Variants in GADL1 observed in about 807,000 individuals in gnomAD.
GADL1 encodes acidic amino acid decarboxylase GADL1.
GADL1 carries 71 observed loss-of-function variants against 69.5 expected under a neutral mutation model. The ratio of observed to expected loss-of-function variants is 1.02; its 90% confidence interval spans 0.84 to 1.25. The LOEUF is 1.25. Among genes scored for constraint, GADL1 ranks in the 50% most tolerant of loss-of-function variants. The pLI is 0.00. For missense variants in GADL1, 737 were observed against 631.8 expected, an observed-to-expected ratio of 1.17 and a Z score of -1.79; for synonymous variants, 254 against 214.4, an observed-to-expected ratio of 1.18 and a Z score of -1.62.
intron 14 of GADL1, among the ~76,000 whole-genome samples, chr3:30,760,944 C>T (rs1696112038): frequency 6.6e-6 from 1 of 150,938 alleles, no homozygotes; most frequent in African/African-American, 2.4e-5. Flanking sequence ...GGCTGATGTC[C>T]TGTGCTGTTC....
intron 14 of GADL1, among the ~76,000 whole-genome samples, chr3:30,755,632 C>T (rs555846883): frequency 2.5e-4 from 38 of 152,176 alleles, no homozygotes; most frequent in Middle Eastern, 3.4e-3. Flanking sequence ...AGCCTAATAG[C>T]GGTAGTGTTT....
At chr3:30,786,429 T>C (rs762948639) in intron 12 of GADL1, 23 bp from the exon 13 acceptor site, 2 of 1,203,036 alleles carry the variant, frequency 1.7e-6, no homozygotes, top group Non-Finnish European at 2.5e-6. Context: ...GTCACAATAA[T>C]ATTTATAATC....
rs139328097 is a variant in GADL1, at chr3:30,889,637, A to C, written c.37+4941T>G. ...GATTCCAGTTAACTTTTTTTTTCCTACTTTGAGTTTCTTTTTAAATCACGC... is the reference window on the plus strand; with the variant it reads ...GATTCCAGTTAACTTTTTTTTTCCTCCTTTGAGTTTCTTTTTAAATCACGC... On this transcript the variant is annotated intron_variant, in intron 1 of 14. Transcript: ENST00000282538. 6.2e-3 allele frequency among the ~76,000 whole-genome samples: 938 copies of C among 152,016 alleles called. 36 individuals are homozygous for C. Among genetic ancestry groups the C allele is most frequent in the Admixed American group, 0.056 (856 of 15,260 alleles).
intron 12 of GADL1, among the ~76,000 whole-genome samples, chr3:30,787,020 G>A (rs1453816555): frequency 6.6e-6 from 1 of 152,100 alleles, no homozygotes; most frequent in African/African-American, 2.4e-5. Flanking sequence ...CACAGGGAGG[G>A]GAGCAACACA....
At chr3:30,836,312 A>T (rs1381380085) in intron 9 of GADL1, among the ~76,000 whole-genome samples, 1 of 151,930 alleles carries the variant, frequency 6.6e-6, no homozygotes, top group African/African-American at 2.4e-5. Context: ...TTTTGAAATC[A>T]CAGGAACCCT....
At chr3:30,838,887 A>T (rs1049596207) in intron 9 of GADL1, 110 bp downstream of exon 9, 1 of 623,464 alleles carries the variant, frequency 1.6e-6, no homozygotes, top group African/African-American at 1.9e-5. Context: ...TTGAGACACA[A>T]ACAAAAGCGT....
chr3:30,803,175 T>C (rs1697195095), intron 11 of GADL1, among the ~76,000 whole-genome samples: 1 of 152,142 alleles, frequency 6.6e-6, no homozygotes. Context: ...AAAGAGCAGA[T>C]TGCTCTGACC....
intron 14 of GADL1, among the ~76,000 whole-genome samples, chr3:30,736,526 C>T (rs73056844): frequency 0.011 from 1,704 of 152,126 alleles, 25 homozygotes; most frequent in Non-Finnish European, 0.019. Context: ...TTTACACTCC[C>T]GCTTGGACTT....
Position 30,844,466 on chromosome 3 carries a change from A to G in GADL1, c.652T>C (p.Cys218Arg). Residue 218 changes from cysteine (C) to arginine (R), a missense_variant and splice_region_variant, in exon 7 of 15, where the codon TGT becomes CGT. Cys to Arg is a radical substitution (Grantham distance 180). Transcript: ENST00000282538. ...GCTGCCTTCTTCATAGAGTAATGACACTGAATTCAAAGGGACAGTGGGGAA... is the reference window on the plus strand; with the variant it reads ...GCTGCCTTCTTCATAGAGTAATGACGCTGAATTCAAAGGGACAGTGGGGAA... ...PRLILFTSAE[C>R]HYSMKKAASF... The G allele has an allele frequency of 6.2e-7, 1 of 1,600,918 alleles. No individual in the cohort carries two copies. The highest frequency in any genetic ancestry group is 1.1e-5 in the South Asian group (1 of 90,790).
chr3:30,849,877 T>C (rs1698120124), intron 6 of GADL1, 119 bp downstream of exon 6: 2 of 627,082 alleles, frequency 3.2e-6, no homozygotes, highest in South Asian at 4.0e-5. Context: ...TACTATGTTA[T>C]ACTGCAGCAT....
intron 14 of GADL1, among the ~76,000 whole-genome samples, chr3:30,751,221 C>T (rs761660241): frequency 2.5e-4 from 38 of 152,054 alleles, no homozygotes; most frequent in Admixed American, 1.7e-3. Flanking sequence ...TGATTGGTCA[C>T]AGGCCAATCC....
At chr3:30,815,336 C>T (rs1379916537) in intron 11 of GADL1, among the ~76,000 whole-genome samples, 13 of 152,044 alleles carry the variant, frequency 8.6e-5, no homozygotes, top group Non-Finnish European at 1.9e-4. Flanking sequence ...TCTCTCTGGT[C>T]GGTTAGGAGG....
rs149897525 is a variant in GADL1 at position 30,869,272 on chromosome 3, T to C, written c.38-7507A>G. On this transcript the variant is annotated intron_variant, in intron 1 of 14. Coordinates refer to ENST00000282538, the MANE Select transcript of GADL1 (RefSeq NM_207359.3). ...TGATGTACCTGGTACATCAGCCTCA[T>C]AGATTGTTTGCCACACTTTTGAATT... Among the ~76,000 whole-genome samples the C allele has an allele frequency of 1.2e-3, 184 of 151,988 alleles. 3 individuals carry two copies. Among genetic ancestry groups the C allele is most frequent in the Non-Finnish European group, 1.6e-3 (110 of 67,946 alleles).
chr3:30,868,483 C>T (rs999292920), intron 1 of GADL1, among the ~76,000 whole-genome samples: 3 of 150,522 alleles, frequency 2.0e-5, no homozygotes, highest in Non-Finnish European at 4.4e-5. Flanking sequence ...AACTCTGCTT[C>T]TGTGACCTTA....
chr3:30,872,770 C>A (rs530400196), intron 1 of GADL1, among the ~76,000 whole-genome samples: 1 of 151,872 alleles, frequency 6.6e-6, no homozygotes. Flanking sequence ...AATAAACTCC[C>A]CCTTTTGGTG....
At chr3:30,737,546 C>G (rs1446949855) in intron 14 of GADL1, among the ~76,000 whole-genome samples, 1 of 152,110 alleles carries the variant, frequency 6.6e-6, no homozygotes, top group East Asian at 1.9e-4. Flanking sequence ...TAATTCTTCT[C>G]TTACTCCTTC....
At chr3:30,753,703 G>A (rs982398902) in intron 14 of GADL1, among the ~76,000 whole-genome samples, 12 of 152,166 alleles carry the variant, frequency 7.9e-5, no homozygotes, top group Admixed American at 2.6e-4. Context: ...GGAAACCAAC[G>A]TGAATCCAGT....
chr3:30,771,936 G>A (rs1696427835), intron 14 of GADL1, among the ~76,000 whole-genome samples: 1 of 152,140 alleles, frequency 6.6e-6, no homozygotes, highest in Non-Finnish European at 1.5e-5. Flanking sequence ...AGACATTCAG[G>A]AAATAAATGG....
intron 12 of GADL1, among the ~76,000 whole-genome samples, chr3:30,786,676 A>G (rs942537725): frequency 6.6e-6 from 1 of 152,258 alleles, no homozygotes; most frequent in African/African-American, 2.4e-5. Flanking sequence ...CAGATAAAGC[A>G]GGCTGGATAT....
Sources: gnomAD v4.1 joint callset for allele counts (sites outside exome capture counted in the v4.1 genomes callset) on GRCh38, gnomAD v4.1.1 for gene constraint, MANE v1.5 for transcripts, NCBI Gene and HGNC (gene_info 2026-07-23, HGNC 2026-07-21) for gene names.